ENOX1: variants seen among roughly 807,000 people sequenced by gnomAD.
ENOX1 encodes ecto-NOX disulfide-thiol exchanger 1.
Under a neutral mutation model 82.5 loss-of-function variants are expected in ENOX1, and 42 were observed. The observed-to-expected ratio is 0.51, with a 90% CI of 0.40 to 0.66. The LOEUF (loss-of-function observed/expected upper bound fraction) is 0.66, where lower values mean the gene tolerates loss of function less well. Ranked by LOEUF, ENOX1 falls within the 30% of genes least tolerant of loss-of-function variation. The pLI is 0.00. For missense variants in ENOX1, 608 were observed against 811.6 expected (o/e 0.75, Z 3.05); for synonymous variants, 271 against 282.2 (o/e 0.96, Z 0.40).
rs557854773 is a variant in ENOX1, at chr13:43,682,464, ATAC to A, written c.-284-14923_-284-14921del. 3.9e-5 allele frequency among the ~76,000 whole-genome samples: 6 copies of A among 152,256 alleles called. No homozygotes were observed. In the South Asian group the frequency reaches 1.0e-3, roughly 26 times the overall value. On this transcript the variant is annotated intron_variant, in intron 1 of 16. Coordinates refer to ENST00000690772, the MANE Select transcript of ENOX1 (RefSeq NM_001347969.2). ...TGGTAAGTATTATTTACATGGATCT[ATAC>A]TACTACTACTATGTGTTTTGTTTTC...
intron 2 of ENOX1, among the ~76,000 whole-genome samples, chr13:43,594,481 C>A (rs780715958): frequency 3.3e-5 from 5 of 152,154 alleles, no homozygotes; most frequent in Non-Finnish European, 7.4e-5. Context: ...GTTCAAAAGG[C>A]TAATTAGTTA....
intron 1 of ENOX1, among the ~76,000 whole-genome samples, chr13:43,739,560 AATT>A (rs10596810): frequency 0.078 from 11,667 of 150,292 alleles, 675 homozygotes; most frequent in African/African-American, 0.16. Flanking sequence ...AAATAATAAT[AATT>A]ATTATTATTA....
At chr13:43,533,596 AC>A (rs1240109455) in intron 2 of ENOX1, among the ~76,000 whole-genome samples, 1 of 152,046 alleles carries the variant, frequency 6.6e-6, no homozygotes, top group African/African-American at 2.4e-5. Flanking sequence ...ACGTTTTCTA[AC>A]TCTAGACTTC....
chr13:43,504,587 A>C (rs1440392208), intron 2 of ENOX1, among the ~76,000 whole-genome samples: 2 of 151,684 alleles, frequency 1.3e-5, no homozygotes, highest in African/African-American at 4.8e-5. Context: ...ATGCTACATG[A>C]TACTACTAAT....
At chr13:43,505,640 T>A (rs2077129307) in intron 2 of ENOX1, among the ~76,000 whole-genome samples, 2 of 152,108 alleles carry the variant, frequency 1.3e-5, no homozygotes, top group African/African-American at 4.8e-5. Flanking sequence ...CGTTGTAGAT[T>A]CTGGATATTA....
At chr13:43,630,858 T>TACACACACACACACACACACAC (rs767775854) in intron 2 of ENOX1, among the ~76,000 whole-genome samples, 1 of 82,096 alleles carries the variant, frequency 1.2e-5, no homozygotes, top group East Asian at 3.8e-4. Flanking sequence ...TATATATATA[T>TACACACACACACACACACACAC]ATACACACAC....
At chr13:43,298,235 G>A (rs2046381345) in intron 12 of ENOX1, 111 bp downstream of exon 12, 11 of 1,137,916 alleles carry the variant, frequency 9.7e-6, no homozygotes, top group Admixed American at 2.9e-5. Context: ...ATAGCTTTTT[G>A]GTTGTCATTT....
At chr13:43,508,859 T>A (rs958856885) in intron 2 of ENOX1, among the ~76,000 whole-genome samples, 5 of 151,918 alleles carry the variant, frequency 3.3e-5, no homozygotes, top group Non-Finnish European at 7.4e-5. Flanking sequence ...AGTCTAGAGG[T>A]GGGATCCAGG....
At chr13:43,586,812 C>T (rs1409963109) in intron 2 of ENOX1, among the ~76,000 whole-genome samples, 1 of 152,060 alleles carries the variant, frequency 6.6e-6, no homozygotes, top group Non-Finnish European at 1.5e-5. Context: ...CGCCTGTAAT[C>T]CCAGCACTTT....
intron 5 of ENOX1, among the ~76,000 whole-genome samples, chr13:43,361,979 A>G (rs1407424450): frequency 3.1e-5 from 1 of 31,882 alleles, no homozygotes; most frequent in East Asian, 4.9e-4. Flanking sequence ...CCCTGGAATA[A>G]AAAAAAAAAA....
At chr13:43,629,527 A>C (rs1043734138) in intron 2 of ENOX1, among the ~76,000 whole-genome samples, 22 of 152,336 alleles carry the variant, frequency 1.4e-4, no homozygotes, top group Non-Finnish European at 2.9e-4. Flanking sequence ...TGGAATGTCC[A>C]GGAGTTTTCA....
chr13:43,593,026 T>C (rs1319709023), intron 2 of ENOX1, among the ~76,000 whole-genome samples: 1 of 152,228 alleles, frequency 6.6e-6, no homozygotes, highest in Non-Finnish European at 1.5e-5. Context: ...GCAGCAACGC[T>C]GTGCTAGTAT....
chr13:43,259,963 C>T (rs955796143), intron 14 of ENOX1, among the ~76,000 whole-genome samples: 6 of 152,164 alleles, frequency 3.9e-5, no homozygotes, highest in East Asian at 1.9e-4. Context: ...CCCATTCTTT[C>T]GTACAGGTTG....
chr13:43,415,004 A>G (rs1345261728), intron 3 of ENOX1, among the ~76,000 whole-genome samples: 1 of 152,198 alleles, frequency 6.6e-6, no homozygotes, highest in African/African-American at 2.4e-5. Context: ...TTACAGTCGT[A>G]TAAAGGGGCA....
At chr13:43,635,356 T>A (rs978438684) in intron 2 of ENOX1, among the ~76,000 whole-genome samples, 4 of 152,200 alleles carry the variant, frequency 2.6e-5, no homozygotes, top group African/African-American at 9.6e-5. Flanking sequence ...ATCAAAATTA[T>A]CCTTTCTACT....
intron 1 of ENOX1, among the ~76,000 whole-genome samples, chr13:43,755,477 G>GCT (rs200917842): frequency 6.6e-6 from 1 of 151,674 alleles, no homozygotes; most frequent in Admixed American, 6.6e-5. Flanking sequence ...ACTCCTGCAT[G>GCT]CTCTCTCTCT....
chr13:43,629,240 G>C (rs1280304083), intron 2 of ENOX1, among the ~76,000 whole-genome samples: 3 of 152,160 alleles, frequency 2.0e-5, no homozygotes, highest in African/African-American at 7.2e-5. Flanking sequence ...AATTATTTCT[G>C]TTGTTTGGCA....
chr13:43,764,052 C>T (rs567715760), intron 1 of ENOX1, among the ~76,000 whole-genome samples: 6 of 152,274 alleles, frequency 3.9e-5, no homozygotes, highest in Non-Finnish European at 7.4e-5. Flanking sequence ...CCTCTCTTAC[C>T]GCTGACATAA....
chr13:43,308,663 C>T (rs1393971652), intron 11 of ENOX1, among the ~76,000 whole-genome samples: 1 of 152,180 alleles, frequency 6.6e-6, no homozygotes, highest in Non-Finnish European at 1.5e-5. Context: ...CTTTGTGCAG[C>T]GAATCACCTG....
Sources: gnomAD v4.1 joint callset for allele counts (sites outside exome capture counted in the v4.1 genomes callset) on GRCh38, gnomAD v4.1.1 for gene constraint, MANE v1.5 for transcripts, NCBI Gene and HGNC (gene_info 2026-07-23, HGNC 2026-07-21) for gene names.